PDSS2: variants seen among roughly 807,000 people sequenced by gnomAD.
PDSS2 encodes the protein decaprenyl diphosphate synthase subunit 2.
PDSS2 carries 31 observed loss-of-function variants against 44.5 expected under a neutral mutation model. That is an observed-to-expected ratio of 0.70 (90% CI 0.52 to 0.94). The LOEUF is 0.94. Ranked by LOEUF, PDSS2 falls within the 40% of genes least tolerant of loss-of-function variation. The pLI is 0.00. For missense variants in PDSS2, 452 were observed against 482.2 expected (o/e 0.94, Z 0.59); for synonymous variants, 157 against 180.3 (o/e 0.87, Z 1.03).
chr6:107,185,841 A>G (rs1034619857), intron 7 of PDSS2, among the ~76,000 whole-genome samples: 2 of 152,214 alleles, frequency 1.3e-5, no homozygotes, highest in Admixed American at 6.5e-5. Flanking sequence ...CCAGAAGCCT[A>G]AAGAGCTGGA....
At chr6:107,193,363 C>G (rs1271973465) in intron 7 of PDSS2, among the ~76,000 whole-genome samples, 1 of 152,190 alleles carries the variant, frequency 6.6e-6, no homozygotes, top group Non-Finnish European at 1.5e-5. Flanking sequence ...CCTTTGAGAG[C>G]TCAAGTCTAT....
chr6:107,433,132 C>T (rs1401059538), intron 1 of PDSS2, among the ~76,000 whole-genome samples: 1 of 152,034 alleles, frequency 6.6e-6, no homozygotes, highest in Non-Finnish European at 1.5e-5. Flanking sequence ...TGGAAAAGCT[C>T]CACCCCAGTT....
intron 1 of PDSS2, among the ~76,000 whole-genome samples, chr6:107,433,780 C>G (rs976748570): frequency 2.0e-5 from 3 of 152,046 alleles, no homozygotes; most frequent in Non-Finnish European, 4.4e-5. Context: ...GGGATCACAT[C>G]AAATTAAAAA....
Position 107,154,011 on chromosome 6 carries a change from G to T in PDSS2, c.*608C>A, listed in dbSNP as rs1770795886. 1 of 152,898 alleles carries T rather than the reference G, an allele frequency of 6.5e-6. No homozygotes were observed. The highest frequency in any genetic ancestry group is 2.4e-5 in the African/African-American group (1 of 41,426). 9.5% of individuals were successfully genotyped at this position (152,898 alleles called of 1,614,324 possible). On this transcript the variant is annotated 3_prime_UTR_variant, in exon 8 of 8. Coordinates refer to ENST00000369037, the MANE Select transcript of PDSS2 (RefSeq NM_020381.4). Reference sequence around the variant, plus strand: ...AATCACTTGAACCCAGGAGGCGGAGGTTGCAGTGAGTCAAAACTGCACCAT... The same window carrying T: ...AATCACTTGAACCCAGGAGGCGGAGTTTGCAGTGAGTCAAAACTGCACCAT...
At chr6:107,217,376 C>CA (rs1773448174) in intron 4 of PDSS2, among the ~76,000 whole-genome samples, 1 of 151,958 alleles carries the variant, frequency 6.6e-6, no homozygotes, top group African/African-American at 2.4e-5. Context: ...GAGGCACAGT[C>CA]AAAGTCATAA....
At chr6:107,361,805 C>T (rs766826366) in intron 1 of PDSS2, among the ~76,000 whole-genome samples, 25 of 152,318 alleles carry the variant, frequency 1.6e-4, no homozygotes, top group South Asian at 4.1e-4. Context: ...TGCAATCCAA[C>T]CACTTCATTA....
intron 4 of PDSS2, among the ~76,000 whole-genome samples, chr6:107,237,770 C>T (rs1774274188): frequency 6.6e-6 from 1 of 151,566 alleles, no homozygotes; most frequent in Non-Finnish European, 1.5e-5. Context: ...GTGGTGCATG[C>T]CTGTAGTTCC....
At chr6:107,379,677 T>C (rs1779397262) in intron 1 of PDSS2, among the ~76,000 whole-genome samples, 1 of 152,216 alleles carries the variant, frequency 6.6e-6, no homozygotes, top group Non-Finnish European at 1.5e-5. Context: ...TCTACTTTGG[T>C]ATCAGAATAA....
At chr6:107,386,163 ATTAT>A (rs1182495919) in intron 1 of PDSS2, among the ~76,000 whole-genome samples, 6 of 152,126 alleles carry the variant, frequency 3.9e-5, no homozygotes, top group African/African-American at 1.4e-4. Context: ...GATTGTATTA[ATTAT>A]TTAATAGTTA....
chr6:107,227,278 CTTT>C (rs60988844), intron 4 of PDSS2, among the ~76,000 whole-genome samples: 2 of 102,816 alleles, frequency 1.9e-5, no homozygotes, highest in Non-Finnish European at 4.1e-5. Context: ...CCACTGTGCC[CTTT>C]TTTTTTTTTT....
intron 6 of PDSS2, among the ~76,000 whole-genome samples, chr6:107,201,390 C>CAAAAAAAGA (rs1772767587): frequency 1.9e-5 from 1 of 52,150 alleles, no homozygotes; most frequent in African/African-American, 9.8e-5. Context: ...CATACAAAAG[C>CAAAAAAAGA]AAAAAAAAAA....
At chr6:107,391,656 G>A (rs1314473190) in intron 1 of PDSS2, among the ~76,000 whole-genome samples, 1 of 151,998 alleles carries the variant, frequency 6.6e-6, no homozygotes, top group Non-Finnish European at 1.5e-5. Context: ...TTTGTGGAGG[G>A]TGGCAAACTA....
At position 107,229,331 on chromosome 6, in the gene PDSS2, C is replaced by A. The variant is rs140297441; in HGVS notation, c.702+16217G>T. Among the ~76,000 whole-genome samples the A allele has an allele frequency of 4.6e-3, 693 of 152,134 alleles. 2 individuals carry two copies. Among genetic ancestry groups the A allele is most frequent in the Non-Finnish European group, 8.2e-3 (560 of 68,008 alleles). On this transcript the variant is annotated intron_variant, in intron 4 of 7. Transcript: ENST00000369037. ...CCTCCAGAGTAGCTGGGGTTACAGGCGTGCACCACCATGCCCGGCTAATTT... is the reference window on the plus strand; with the variant it reads ...CCTCCAGAGTAGCTGGGGTTACAGGAGTGCACCACCATGCCCGGCTAATTT...
rs536611855 is a variant in PDSS2 at position 107,245,873 on chromosome 6, C to G, written c.631-254G>C. Among the ~76,000 whole-genome samples the G allele has an allele frequency of 7.2e-4, 109 of 152,220 alleles. 2 individuals carry two copies. Among genetic ancestry groups the G allele is most frequent in the Non-Finnish European group, 7.4e-4 (50 of 68,014 alleles). ...GCATTTAACTAATATACATGAAAATCGAGTAATAGCCATTTTGAACATAAA... is the reference window on the plus strand; with the variant it reads ...GCATTTAACTAATATACATGAAAATGGAGTAATAGCCATTTTGAACATAAA... On this transcript the variant is annotated intron_variant, in intron 3 of 7. Transcript: ENST00000369037.
chr6:107,197,925 T>C, intron 6 of PDSS2: 1 of 459,852 alleles, frequency 2.2e-6, no homozygotes, highest in Non-Finnish European at 4.6e-6. Flanking sequence ...GGAGAAACTA[T>C]GACTGACAAT....
intron 1 of PDSS2, among the ~76,000 whole-genome samples, chr6:107,426,476 C>A (rs1377119533): frequency 1.3e-5 from 2 of 152,206 alleles, no homozygotes; most frequent in East Asian, 3.9e-4. Flanking sequence ...GTTGGAGCCT[C>A]CACAAAAAGT....
intron 6 of PDSS2, among the ~76,000 whole-genome samples, chr6:107,195,723 C>CTAA (rs140814936): frequency 0.32 from 48,094 of 151,696 alleles, 7,839 homozygotes; most frequent in East Asian, 0.5. Context: ...CCACGCCCGG[C>CTAA]TAATTTTTGT....
chr6:107,189,066 T>TA (rs1004696155), intron 7 of PDSS2, among the ~76,000 whole-genome samples: 3 of 152,070 alleles, frequency 2.0e-5, no homozygotes, highest in Non-Finnish European at 2.9e-5. Flanking sequence ...TGCACCACCA[T>TA]ACCTAGCTAT....
At chr6:107,421,099 G>A (rs972355106) in intron 1 of PDSS2, among the ~76,000 whole-genome samples, 1 of 152,222 alleles carries the variant, frequency 6.6e-6, no homozygotes, top group East Asian at 1.9e-4. Context: ...AAAAACGTTC[G>A]ACATCATTAG....
Sources: allele counts gnomAD v4.1 joint callset (sites outside exome capture counted in the v4.1 genomes callset), GRCh38; gene constraint gnomAD v4.1.1; transcripts MANE v1.5; gene names NCBI Gene and HGNC (gene_info 2026-07-23, HGNC 2026-07-21).